The following NTM variants were observed in gnomAD, a reference collection of about 807,000 sequenced individuals.
NTM encodes IgLON family member 2.
In NTM, 13 loss-of-function variants were observed where a neutral mutation model predicts 42.1. The observed-to-expected ratio is 0.31, with a 90% CI of 0.20 to 0.49. NTM has a LOEUF of 0.49. Among genes scored for constraint, NTM ranks in the 20% least tolerant of loss-of-function variants. The pLI is 0.99. For missense variants in NTM, 373 were observed against 452.8 expected, an observed-to-expected ratio of 0.82 and a Z score of 1.60; for synonymous variants, 187 against 179.2, an observed-to-expected ratio of 1.04 and a Z score of -0.35.
chr11:132,254,586 A>G (rs77763847), intron 4 of NTM, among the ~76,000 whole-genome samples: 5,614 of 150,922 alleles, frequency 0.037, 206 homozygotes, highest in Non-Finnish European at 0.047. Flanking sequence ...TCATTCCTTT[A>G]ATTTTCTTTG....
chr11:131,381,308 C>T (rs894936285), intron 1 of NTM, among the ~76,000 whole-genome samples: 4 of 152,134 alleles, frequency 2.6e-5, no homozygotes, highest in African/African-American at 9.7e-5. Flanking sequence ...CAAAGCTGTC[C>T]ACTAGAGTAC....
intron 2 of NTM, among the ~76,000 whole-genome samples, chr11:131,997,576 A>G (rs945668537): frequency 1.3e-5 from 2 of 152,198 alleles, no homozygotes; most frequent in Non-Finnish European, 2.9e-5. Flanking sequence ...AGGTGTTCAC[A>G]CCATCATTGA....
chr11:131,661,726 A>G (rs2068102238), intron 1 of NTM, among the ~76,000 whole-genome samples: 1 of 152,106 alleles, frequency 6.6e-6, no homozygotes, highest in South Asian at 2.1e-4. Flanking sequence ...TCTTAAATAT[A>G]ATTGCTTTCC....
At chr11:131,753,636 C>T (rs9666869) in intron 1 of NTM, among the ~76,000 whole-genome samples, 1 of 146,038 alleles carries the variant, frequency 6.8e-6, no homozygotes. Context: ...GTAAACTATC[C>T]CAAGAACAAA....
chr11:132,102,153 G>T (rs1204334048), intron 2 of NTM, among the ~76,000 whole-genome samples: 1 of 152,270 alleles, frequency 6.6e-6, no homozygotes, highest in Non-Finnish European at 1.5e-5. Flanking sequence ...TCATTCAGAT[G>T]GTATCCCTTT....
chr11:131,467,574 GC>G (rs1952013718), intron 1 of NTM, among the ~76,000 whole-genome samples: 5 of 152,306 alleles, frequency 3.3e-5, no homozygotes, highest in Admixed American at 2.6e-4. Context: ...CTATGTATCT[GC>G]TTATGTTCAC....
chr11:131,541,279 A>G (rs1173184574), intron 1 of NTM, among the ~76,000 whole-genome samples: 2 of 152,190 alleles, frequency 1.3e-5, no homozygotes, highest in Admixed American at 6.5e-5. Flanking sequence ...CGAACCCAGC[A>G]CTAACTGATG....
In NTM at chr11:132,146,165, G is replaced by A; in HGVS notation, c.168-117G>A. ...CCACCCCTGACAAATCAAAGGAAAT[G>A]TATGTGTTGGGGGAAGGGAGAAAGA... On this transcript the variant is annotated intron_variant, in intron 2 of 8. Coordinates refer to ENST00000683400, the MANE Select transcript of NTM (RefSeq NM_001352005.2). This position sits in a 1 kb window ranked among gnomAD's most constrained non-coding sequence, Gnocchi z 4.5. 1 of 1,444,176 alleles carries A rather than the reference G, an allele frequency of 6.9e-7. No individual in the cohort carries two copies. The highest frequency in any genetic ancestry group is 9.3e-7 in the Non-Finnish European group (1 of 1,077,478). 89.5% of individuals were successfully genotyped at this position (1,444,176 alleles called of 1,614,324 possible). A position where few individuals can be genotyped will look rare whatever the true frequency, so the allele number is the denominator to read the frequency against.
intron 1 of NTM, among the ~76,000 whole-genome samples, chr11:131,734,738 A>T (rs1256529287): frequency 6.6e-6 from 1 of 152,210 alleles, no homozygotes. Flanking sequence ...CATCATTATT[A>T]ATAAACTAAA....
At chr11:131,657,763 T>C (rs1174861247) in intron 1 of NTM, among the ~76,000 whole-genome samples, 2 of 152,170 alleles carry the variant, frequency 1.3e-5, no homozygotes, top group Non-Finnish European at 2.9e-5. Flanking sequence ...TTCACAAAGG[T>C]CTGGAAACCT....
intron 2 of NTM, among the ~76,000 whole-genome samples, chr11:132,040,124 G>A (rs1427109336): frequency 6.6e-6 from 1 of 152,012 alleles, no homozygotes; most frequent in Non-Finnish European, 1.5e-5. Flanking sequence ...GAGACGAGAT[G>A]GGGGTTTCAC....
At chr11:131,794,900 G>T (rs1458161315) in intron 1 of NTM, 6 of 985,098 alleles carry the variant, frequency 6.1e-6, no homozygotes, top group Middle Eastern at 5.2e-4. Flanking sequence ...CCTTGTCACT[G>T]CAGGGAGTGT....
chr11:131,532,207 C>T (rs1461528216), intron 1 of NTM, among the ~76,000 whole-genome samples: 3 of 152,146 alleles, frequency 2.0e-5, no homozygotes, highest in African/African-American at 4.8e-5. Flanking sequence ...ACAGAAAATA[C>T]ATCCCCATTA....
intron 2 of NTM, among the ~76,000 whole-genome samples, chr11:131,920,798 G>T (rs546655560): frequency 6.6e-6 from 1 of 152,132 alleles, no homozygotes; most frequent in Admixed American, 6.6e-5. Context: ...CCAACAGACT[G>T]ATGGAAAATT....
At chr11:132,075,420 T>C (rs1399396401) in intron 2 of NTM, among the ~76,000 whole-genome samples, 4 of 152,242 alleles carry the variant, frequency 2.6e-5, no homozygotes, top group African/African-American at 9.6e-5. Context: ...GACTCACCAT[T>C]AAAAGTCCTA....
At chr11:132,296,153 C>T (rs2094601485) in intron 4 of NTM, among the ~76,000 whole-genome samples, 1 of 152,118 alleles carries the variant, frequency 6.6e-6, no homozygotes, top group Admixed American at 6.6e-5. Context: ...GTGGTGAATT[C>T]AGCCTGCGGT....
intron 2 of NTM, among the ~76,000 whole-genome samples, chr11:132,066,755 C>T (rs2056558711): frequency 6.6e-6 from 1 of 152,082 alleles, no homozygotes; most frequent in Admixed American, 6.5e-5. Context: ...TTCAAATTTG[C>T]TTCTTTCTTG....
rs562908664 is a variant in NTM, at chr11:131,671,311, C to T, written c.83-240253C>T. ...CTAGCCTCCCTGGGGCGCTATCTGG[C>T]GTCTATACTCATCCTCCCCGCCCAA... is the stretch of plus-strand genomic sequence containing the variant. On this transcript the variant is annotated intron_variant, in intron 1 of 8. Coordinates refer to ENST00000683400, the MANE Select transcript of NTM (RefSeq NM_001352005.2). 3.2e-5 allele frequency: 15 copies of T among 465,350 alleles called. No homozygotes were observed. In the East Asian group the frequency reaches 1.5e-3, roughly 48 times the overall value. The allele number at this position is 465,350 out of a possible 1,614,324, so 28.8% of individuals were successfully genotyped here.
At chr11:131,443,198 T>C (rs1279190929) in intron 1 of NTM, among the ~76,000 whole-genome samples, 1 of 152,042 alleles carries the variant, frequency 6.6e-6, no homozygotes, top group African/African-American at 2.4e-5. Flanking sequence ...ATACAATGAG[T>C]AACTCAACTT....
Sources: allele counts gnomAD v4.1 joint callset (sites outside exome capture counted in the v4.1 genomes callset), GRCh38; gene constraint gnomAD v4.1.1; non-coding constraint Gnocchi (gnomAD v3.1); transcripts MANE v1.5; gene names NCBI Gene and HGNC (gene_info 2026-07-23, HGNC 2026-07-21).